PUM2: variants seen among roughly 807,000 people sequenced by gnomAD.
PUM2 encodes pumilio RNA binding family member 2.
PUM2 carries 57 observed loss-of-function variants against 124.5 expected under a neutral mutation model. That is an observed-to-expected ratio of 0.46 (90% confidence interval 0.37 to 0.57). The LOEUF (loss-of-function observed/expected upper bound fraction) is 0.57. Among genes scored for constraint, PUM2 ranks in the 20% least tolerant of loss-of-function variants. The probability of loss-of-function intolerance (pLI) is 0.00; values close to 1 mark genes in which losing one functional copy is unlikely to be tolerated. For synonymous variants in PUM2, 460 were observed against 446.1 expected, an observed-to-expected ratio of 1.03 and a Z score of -0.39; for missense variants, 1,065 against 1,290.6, an observed-to-expected ratio of 0.83 and a Z score of 2.68.
chr2:20,308,078 G>C lies in PUM2; in HGVS notation c.790-7C>G, dbSNP rs1216396184. On this transcript the variant is annotated splice_region_variant and splice_polypyrimidine_tract_variant and intron_variant, in intron 6 of 20. Coordinates refer to ENST00000361078, the MANE Select transcript of PUM2 (RefSeq NM_015317.5). ...CATTAGTCCTCTGAAAGAGCTATTA[G>C]GGAAAATATTTAACACAAAGATTAG... 6.2e-7 allele frequency: 1 copy of C among 1,601,576 alleles called. No individual in the cohort carries two copies. Among genetic ancestry groups the C allele is most frequent in the East Asian group, 2.2e-5 (1 of 44,604 alleles).
chr2:20,349,761 TCAA>T, intron 1 of PUM2, among the ~76,000 whole-genome samples: 2 of 152,364 alleles, frequency 1.3e-5, no homozygotes, highest in Admixed American at 1.3e-4. Flanking sequence ...CCCCGTTTTC[TCAA>T]CAAGTAAAAA....
rs972586928 is a variant in PUM2 at position 20,318,523 on chromosome 2, T to C, written c.160+14A>G. On this transcript the variant is annotated intron_variant, in intron 3 of 20. Transcript: ENST00000361078. The stretch of plus-strand genomic sequence containing the variant: ...AATATATTCACAATTCTCACACATA[T>C]ACCAGTAACTTACGAGAAGCTCCCC... 4.4e-6 allele frequency: 7 copies of C among 1,575,950 alleles called. No individual in the cohort carries two copies. The highest frequency in any genetic ancestry group is 6.1e-6 in the Non-Finnish European group (7 of 1,146,924).
rs1428985219 is a variant in PUM2 at position 20,258,288 on chromosome 2, G to A, written c.2439C>T (p.Cys813=). 47 of 1,611,230 alleles carry A rather than the reference G, an allele frequency of 2.9e-5. No homozygotes were observed. The highest frequency in any genetic ancestry group is 3.8e-5 in the Non-Finnish European group (45 of 1,178,190). Residue 813 remains cysteine (C), a synonymous_variant, in exon 16 of 21, where the codon TGC becomes TGT. Transcript: ENST00000361078. ...VLPLALQMYG[C]RVIQKALESI... ...ATTCTAATGCTTTCTGAATAACGCG[G>A]CAGCCATACATCTGCAAGGCTAAGG...
intron 1 of PUM2, among the ~76,000 whole-genome samples, chr2:20,331,460 A>G (rs984930402): frequency 5.9e-5 from 9 of 152,214 alleles, no homozygotes; most frequent in Non-Finnish European, 1.2e-4. Context: ...TCAGTGACTG[A>G]GCTTCGGCCA....
At chr2:20,336,902 A>G (rs1421105845) in intron 1 of PUM2, among the ~76,000 whole-genome samples, 10 of 151,850 alleles carry the variant, frequency 6.6e-5, no homozygotes, top group Non-Finnish European at 1.5e-5. Flanking sequence ...GATTACAGGC[A>G]TAAGTCACCA....
At chr2:20,337,972 G>A (rs1246221299) in intron 1 of PUM2, among the ~76,000 whole-genome samples, 1 of 151,974 alleles carries the variant, frequency 6.6e-6, no homozygotes, top group African/African-American at 2.4e-5. Flanking sequence ...AGGAAAACTG[G>A]CCACAATTTC....
At chr2:20,344,488 C>T (rs1401924071) in intron 1 of PUM2, among the ~76,000 whole-genome samples, 1 of 152,134 alleles carries the variant, frequency 6.6e-6, no homozygotes, top group Non-Finnish European at 1.5e-5. Context: ...AAATTATAAT[C>T]CTGGACTGTC....
At chr2:20,257,797 G>C (rs1665175564) in intron 16 of PUM2, among the ~76,000 whole-genome samples, 1 of 152,002 alleles carries the variant, frequency 6.6e-6, no homozygotes. Context: ...AATTTTTAAA[G>C]AGGAATCTTG....
intron 13 of PUM2, among the ~76,000 whole-genome samples, chr2:20,272,312 G>A (rs752775826): frequency 7.9e-5 from 12 of 152,126 alleles, no homozygotes; most frequent in African/African-American, 1.2e-4. Flanking sequence ...TATAAGTCAC[G>A]TAATTTCTTT....
chr2:20,344,112 T>C (rs1304977978), intron 1 of PUM2, among the ~76,000 whole-genome samples: 2 of 152,216 alleles, frequency 1.3e-5, no homozygotes, highest in African/African-American at 4.8e-5. Flanking sequence ...CTGTTGCCCA[T>C]GCTGCAGTGC....
intron 18 of PUM2, 40 bp downstream of exon 18, chr2:20,255,176 A>G (rs748146506): frequency 3.2e-5 from 49 of 1,553,892 alleles, no homozygotes; most frequent in Non-Finnish European, 4.1e-5. Flanking sequence ...AACAATTTCC[A>G]AAAATATATA....
At chr2:20,333,607 T>G (rs900904665) in intron 1 of PUM2, among the ~76,000 whole-genome samples, 1 of 152,170 alleles carries the variant, frequency 6.6e-6, no homozygotes, top group African/African-American at 2.4e-5. Flanking sequence ...ATAGGACATT[T>G]ACATTATTAA....
At chr2:20,255,415 G>GT (rs66951840) in intron 17 of PUM2, 74 bp from the exon 18 acceptor site, 83,952 of 1,125,162 alleles carry the variant, frequency 0.075, 1 homozygote, top group East Asian at 0.11. Context: ...AGACTGGTTT[G>GT]TTTTTTTTTT....
chr2:20,267,781 G>C (rs1375193781), intron 13 of PUM2, among the ~76,000 whole-genome samples: 1 of 152,174 alleles, frequency 6.6e-6, no homozygotes, highest in African/African-American at 2.4e-5. Context: ...CCTTAGGCCA[G>C]AGCTTATCTC....
chr2:20,253,799 C>G (rs367804524), intron 20 of PUM2, 23 bp downstream of exon 20: 33 of 1,572,396 alleles, frequency 2.1e-5, no homozygotes, highest in Non-Finnish European at 2.7e-5. Context: ...AAACAGTTAT[C>G]TGAGTGTTAC....
At chr2:20,255,408 CTGGTT>C in intron 17 of PUM2, 67 bp from the exon 18 acceptor site, 2 of 1,444,478 alleles carry the variant, frequency 1.4e-6, no homozygotes, top group Non-Finnish European at 1.9e-6. Context: ...ATGAAGCAGA[CTGGTT>C]TGTTTTTTTT....
chr2:20,298,979 G>A (rs140644796), intron 7 of PUM2, among the ~76,000 whole-genome samples: 5 of 152,286 alleles, frequency 3.3e-5, no homozygotes, highest in Non-Finnish European at 5.9e-5. Context: ...TGGAAGCTCC[G>A]CACCCCTTCC....
intron 3 of PUM2, among the ~76,000 whole-genome samples, chr2:20,313,634 A>T (rs942177374): frequency 1.3e-5 from 2 of 152,162 alleles, no homozygotes; most frequent in East Asian, 1.9e-4. Flanking sequence ...GCTTGAGACT[A>T]GCATGGGAAA....
At chr2:20,315,063 T>C (rs916674859) in intron 3 of PUM2, among the ~76,000 whole-genome samples, 2 of 141,712 alleles carry the variant, frequency 1.4e-5, no homozygotes, top group Admixed American at 7.0e-5. Context: ...TGTGCTTCTT[T>C]TTTTTTTTTT....
Sources: allele counts gnomAD v4.1 joint callset (sites outside exome capture counted in the v4.1 genomes callset), GRCh38; gene constraint gnomAD v4.1.1; transcripts MANE v1.5; gene names NCBI Gene and HGNC (gene_info 2026-07-23, HGNC 2026-07-21).